Variants in INAVA observed in about 807,000 individuals in gnomAD.
INAVA encodes the protein innate immunity activator protein.
INAVA carries 32 observed loss-of-function variants against 55.3 expected under a neutral mutation model. That is an observed-to-expected ratio of 0.58 (90% confidence interval 0.44 to 0.78). The LOEUF is 0.78. Among genes scored for constraint, INAVA ranks in the 30% least tolerant of loss-of-function variants. INAVA has a pLI of 0.00. For synonymous variants in INAVA, 294 were observed against 329.4 expected (o/e 0.89, Z 1.16); for missense variants, 756 against 786.4 (o/e 0.96, Z 0.46).
At chr1:200,911,084 AAAAAAAGTACTTAATGTAGTACTTT>A (rs1427655716) in intron 8 of INAVA, among the ~76,000 whole-genome samples, 629 of 55,220 alleles carry the variant, frequency 0.011, 16 homozygotes, top group Middle Eastern at 0.028. Flanking sequence ...GTAGTACTTT[AAAAAAAGTACTTAATGTAGTACTTT>A]AAAAAAGTAC....
intron 1 of INAVA, among the ~76,000 whole-genome samples, chr1:200,896,741 G>A (rs1668359855): frequency 6.6e-6 from 1 of 152,296 alleles, no homozygotes; most frequent in South Asian, 2.1e-4. Flanking sequence ...TATCACCAGG[G>A]ACCTGGCTGA....
chr1:200,896,164 A>G (rs755074122), intron 1 of INAVA, among the ~76,000 whole-genome samples: 2 of 152,118 alleles, frequency 1.3e-5, no homozygotes, highest in Non-Finnish European at 2.9e-5. Context: ...AGTTGGCCCA[A>G]CTTTCCAAGG....
At chr1:200,910,244 C>T (rs913175775) in intron 8 of INAVA, among the ~76,000 whole-genome samples, 1 of 152,160 alleles carries the variant, frequency 6.6e-6, no homozygotes, top group African/African-American at 2.4e-5. Flanking sequence ...TAAAGAGACT[C>T]AAATTTGTCA....
intron 5 of INAVA, among the ~76,000 whole-genome samples, chr1:200,905,976 T>C (rs547881): frequency 1 from 151,799 of 152,360 alleles, 75,623 homozygotes; most frequent in Middle Eastern, 1. Flanking sequence ...GTTGAATGTA[T>C]AACCTAAACC....
intron 8 of INAVA, among the ~76,000 whole-genome samples, chr1:200,910,792 C>G (rs991285455): frequency 5.9e-5 from 9 of 152,166 alleles, no homozygotes; most frequent in African/African-American, 1.9e-4. Flanking sequence ...ACAAACCATG[C>G]CTTTGTGCAA....
chr1:200,898,516 C>G, intron 2 of INAVA, 61 bp downstream of exon 2: 1 of 1,576,714 alleles, frequency 6.3e-7, no homozygotes, highest in Non-Finnish European at 8.6e-7. Flanking sequence ...GGTCCCTGGC[C>G]CTGACTCCTG....
chr1:200,899,613 GCA>G lies in INAVA; in HGVS notation c.180+23_180+24del, dbSNP rs1653144040. 1.9e-6 allele frequency: 3 copies of G among 1,610,416 alleles called. No homozygotes were observed. The African/African-American group carries it at 4.0e-5, about 22-fold the overall frequency. ...TCGGGAAGCGGTGAGGCCCCAGCCA[GCA>G]CACACAAGCATCGGGTTCATCTCAG... On this transcript the variant is annotated intron_variant, in intron 3 of 9. Coordinates refer to ENST00000413687, the MANE Select transcript of INAVA (RefSeq NM_001142569.3).
At chr1:200,897,335 C>G (rs555178505) in intron 1 of INAVA, among the ~76,000 whole-genome samples, 2 of 152,322 alleles carry the variant, frequency 1.3e-5, no homozygotes, top group South Asian at 4.1e-4. Context: ...TAGGCTGATT[C>G]CCCTTCAGTG....
rs372915944 is a variant in INAVA, at chr1:200,896,563, C to T, written c.-95+1476C>T. On this transcript the variant is annotated intron_variant, in intron 1 of 9. Transcript: ENST00000413687. ...ATAAAGTTAAAAAAAATAATTCTCC[C>T]ATGCATTCTCTAGACTTCCTTGAAT... 2.7e-4 allele frequency among the ~76,000 whole-genome samples: 41 copies of T among 152,356 alleles called. No individual in the cohort carries two copies. The South Asian group carries it at 8.5e-3, about 32-fold the overall frequency.
chr1:200,895,163 G>A, intron 1 of INAVA, 76 bp downstream of exon 1: 4 of 976,342 alleles, frequency 4.1e-6, no homozygotes, highest in Non-Finnish European at 4.9e-6. Flanking sequence ...CCCAAGCAGT[G>A]GCCATCACCC....
At chr1:200,898,280 TG>T (rs766137346) in intron 1 of INAVA, 26 bp from the exon 2 acceptor site, 39 of 1,603,712 alleles carry the variant, frequency 2.4e-5, no homozygotes, top group Non-Finnish European at 3.3e-5. Context: ...CTAGCTTTTT[TG>T]TTATTGTTCT....
chr1:200,913,784 A>G lies in INAVA; in HGVS notation c.*155A>G. The G allele has an allele frequency of 1.7e-6, 1 of 605,904 alleles. No homozygotes were observed. The highest frequency in any genetic ancestry group is 2.9e-6 in the Non-Finnish European group (1 of 341,116). 37.5% of individuals were successfully genotyped at this position (605,904 alleles called of 1,614,324 possible). ...ATTTTTTTTTTACACGACTTTTTTCAGAAGCCCTGACCTAAGGATTTATAT... is the reference window on the plus strand; with the variant it reads ...ATTTTTTTTTTACACGACTTTTTTCGGAAGCCCTGACCTAAGGATTTATAT... On this transcript the variant is annotated 3_prime_UTR_variant, in exon 10 of 10. Coordinates refer to ENST00000413687, the MANE Select transcript of INAVA (RefSeq NM_001142569.3).
chr1:200,904,044 G>A, intron 5 of INAVA, among the ~76,000 whole-genome samples: 1 of 151,984 alleles, frequency 6.6e-6, no homozygotes, highest in East Asian at 1.9e-4. Flanking sequence ...CACTCTGGAT[G>A]CATCTGTTGA....
intron 8 of INAVA, among the ~76,000 whole-genome samples, chr1:200,911,142 GTACTTAATGTAGTACTTTAAA>G (rs1653702664): frequency 2.0e-5 from 3 of 146,538 alleles, no homozygotes; most frequent in African/African-American, 7.6e-5. Flanking sequence ...TTTAAAAAAA[GTACTTAATGTAGTACTTTAAA>G]AAAAGTACTT....
chr1:200,913,379 C>T (rs972806290), intron 9 of INAVA, among the ~76,000 whole-genome samples, 158 bp from the exon 10 acceptor site: 6 of 152,182 alleles, frequency 3.9e-5, no homozygotes, highest in African/African-American at 1.4e-4. Context: ...GAACAGAGAG[C>T]ATCCTGGGAG....
upstream of INAVA, chr1:200,891,643 G>A (rs369014297): frequency 2.5e-5 from 38 of 1,520,414 alleles, no homozygotes; most frequent in Non-Finnish European, 3.3e-5. Context: ...TCCTGAAGCT[G>A]CGAGGCTGGA....
At chr1:200,900,326 C>A (rs1044158509) in intron 4 of INAVA, 106 bp downstream of exon 4, 32 of 994,304 alleles carry the variant, frequency 3.2e-5, no homozygotes, top group Non-Finnish European at 4.4e-5. Flanking sequence ...CACCCTTTCA[C>A]ACCCAGTGAG....
Position 200,895,016 on chromosome 1 carries a change from T to C in INAVA, c.-166T>C, listed in dbSNP as rs1668313035. ...TGGCTTGGGAGACCCTGAGGCGACA[T>C]GTGAGGGCCCTGAGCCCCCTGACTG... On this transcript the variant is annotated 5_prime_UTR_variant, in exon 1 of 10. It removes an upstream start codon present in the reference 5' UTR. Transcript: ENST00000413687. 24 of 985,316 alleles carry C rather than the reference T, an allele frequency of 2.4e-5. No individual in the cohort carries two copies. The highest frequency in any genetic ancestry group is 2.9e-5 in the Non-Finnish European group (24 of 829,982). The allele number at this position is 985,316 out of a possible 1,614,324, so 61.0% of individuals were successfully genotyped here.
At chr1:200,905,256 G>A (rs138648709) in intron 5 of INAVA, among the ~76,000 whole-genome samples, 6 of 152,260 alleles carry the variant, frequency 3.9e-5, no homozygotes, top group Non-Finnish European at 7.4e-5. Context: ...TCATTAAATT[G>A]CGGAGCAGGC....
Sources: gnomAD v4.1 joint callset for allele counts (sites outside exome capture counted in the v4.1 genomes callset) on GRCh38, gnomAD v4.1.1 for gene constraint, MANE v1.5 for transcripts, NCBI Gene and HGNC (gene_info 2026-07-23, HGNC 2026-07-21) for gene names.